The following XKR9 variants were observed in gnomAD, a reference collection of about 807,000 sequenced individuals.
The protein encoded by XKR9 is XK related 9.
In XKR9, 32 loss-of-function variants were observed where a neutral mutation model predicts 32.0. The observed-to-expected ratio is 1.00, with a 90% confidence interval of 0.76 to 1.34. XKR9 has a LOEUF of 1.34. Among genes scored for constraint, XKR9 ranks in the 40% most tolerant of loss-of-function variants. The probability of loss-of-function intolerance (pLI) is 0.00; values close to 1 mark genes in which losing one functional copy is unlikely to be tolerated. For synonymous variants in XKR9, 168 were observed against 143.4 expected (o/e 1.17, Z -1.22); for missense variants, 546 against 429.7 (o/e 1.27, Z -2.39).
At chr8:70,769,262 GC>G (rs1321527331) in intron 2 of XKR9, among the ~76,000 whole-genome samples, 42 of 150,248 alleles carry the variant, frequency 2.8e-4, no homozygotes, top group Non-Finnish European at 5.6e-4. Flanking sequence ...TTGAATATTG[GC>G]CCCCACTGTC....
the XKR9 span, among the ~76,000 whole-genome samples, chr8:70,908,738 G>C: frequency 1.3e-5 from 2 of 152,034 alleles, no homozygotes; most frequent in African/African-American, 2.4e-5. Context: ...TTTAATTTTT[G>C]TGTGTCATAA....
the XKR9 span, among the ~76,000 whole-genome samples, chr8:70,869,589 A>G: frequency 2.0e-5 from 3 of 152,236 alleles, no homozygotes; most frequent in African/African-American, 7.2e-5. Context: ...GTGAGGACAC[A>G]GCCAAATCAT....
chr8:70,909,432 G>A, the XKR9 span, among the ~76,000 whole-genome samples: 2 of 152,216 alleles, frequency 1.3e-5, no homozygotes, highest in South Asian at 2.1e-4. Context: ...GGTTAGATGT[G>A]TGGGTCAGAT....
chr8:70,814,998 C>T, the XKR9 span, among the ~76,000 whole-genome samples: 1 of 152,200 alleles, frequency 6.6e-6, no homozygotes, highest in African/African-American at 2.4e-5. Flanking sequence ...TTTACAATAG[C>T]TACAAAAGAT....
the XKR9 span, among the ~76,000 whole-genome samples, chr8:70,808,979 G>C: frequency 6.6e-6 from 1 of 152,226 alleles, no homozygotes; most frequent in Non-Finnish European, 1.5e-5. Flanking sequence ...TGGGATCTGA[G>C]AACGCACAGA....
chr8:70,963,071 A>G, the XKR9 span, among the ~76,000 whole-genome samples: 1 of 152,132 alleles, frequency 6.6e-6, no homozygotes, highest in African/African-American at 2.4e-5. Flanking sequence ...TCAACCCATC[A>G]CCCAGGTATT....
the XKR9 span, among the ~76,000 whole-genome samples, chr8:70,796,100 C>G: frequency 1.3e-4 from 20 of 151,160 alleles, no homozygotes; most frequent in East Asian, 3.5e-3. Context: ...AGTACATGTG[C>G]AGGTTTTTTG....
chr8:70,959,181 A>C, the XKR9 span, among the ~76,000 whole-genome samples: 1 of 152,194 alleles, frequency 6.6e-6, no homozygotes, highest in African/African-American at 2.4e-5. Flanking sequence ...TAAAATTAGA[A>C]ATGTCAAATA....
chr8:70,998,551 C>T, the XKR9 span, among the ~76,000 whole-genome samples: 1 of 152,122 alleles, frequency 6.6e-6, no homozygotes, highest in African/African-American at 2.4e-5. Flanking sequence ...CAGATGCAAG[C>T]CTCTAATTTT....
intron 2 of XKR9, among the ~76,000 whole-genome samples, chr8:70,746,473 ATATT>A (rs1451607639): frequency 1.3e-5 from 2 of 148,398 alleles, no homozygotes; most frequent in Admixed American, 6.7e-5. Flanking sequence ...ATATAATTAT[ATATT>A]ATAATTATAT....
chr8:70,797,803 T>C, the XKR9 span, among the ~76,000 whole-genome samples: 1 of 152,104 alleles, frequency 6.6e-6, no homozygotes, highest in South Asian at 2.1e-4. Flanking sequence ...GAATATGTGG[T>C]ATTTGGTTTT....
chr8:70,694,340 C>G (rs1051028736), intron 3 of XKR9, among the ~76,000 whole-genome samples: 1 of 152,208 alleles, frequency 6.6e-6, no homozygotes, highest in African/African-American at 2.4e-5. Flanking sequence ...AGCCCAAAGA[C>G]TGGAATGGCT....
chr8:71,018,351 C>A, the XKR9 span, among the ~76,000 whole-genome samples: 1 of 152,142 alleles, frequency 6.6e-6, no homozygotes, highest in Non-Finnish European at 1.5e-5. Context: ...AGAGAAATGG[C>A]TCTTCCAAGA....
chr8:71,021,315 A>ATGTCTTCTT, the XKR9 span, among the ~76,000 whole-genome samples: 7 of 151,986 alleles, frequency 4.6e-5, no homozygotes, highest in Admixed American at 1.3e-4. Flanking sequence ...GGCCACTTGT[A>ATGTCTTCTT]TGTCTTCTTT....
the XKR9 span, among the ~76,000 whole-genome samples, chr8:71,013,787 G>A: frequency 2.6e-5 from 4 of 152,064 alleles, no homozygotes; most frequent in African/African-American, 9.7e-5. Context: ...GGCTCCATAG[G>A]GCAGTCTACA....
the XKR9 span, among the ~76,000 whole-genome samples, chr8:70,812,172 C>T: frequency 6.6e-6 from 1 of 152,188 alleles, no homozygotes; most frequent in African/African-American, 2.4e-5. Context: ...AGCATATAAA[C>T]AGAACCAAAG....
At chr8:70,853,066 A>T in the XKR9 span, among the ~76,000 whole-genome samples, 1 of 152,184 alleles carries the variant, frequency 6.6e-6, no homozygotes, top group East Asian at 1.9e-4. Context: ...TTCAACCATA[A>T]AAAAGAATGT....
chr8:71,050,620 G>A, the XKR9 span, among the ~76,000 whole-genome samples: 2 of 152,096 alleles, frequency 1.3e-5, no homozygotes, highest in African/African-American at 2.4e-5. Flanking sequence ...GAACTTGGGG[G>A]GTGGATATGG....
At chr8:70,807,649 A>AT in the XKR9 span, among the ~76,000 whole-genome samples, 2 of 152,342 alleles carry the variant, frequency 1.3e-5, no homozygotes, top group Non-Finnish European at 1.5e-5. Flanking sequence ...ACCAACAAAG[A>AT]TAAAAAAAGA....
Sources: gnomAD v4.1 joint callset for allele counts (sites outside exome capture counted in the v4.1 genomes callset) on GRCh38, gnomAD v4.1.1 for gene constraint, MANE v1.5 for transcripts, NCBI Gene and HGNC (gene_info 2026-07-23, HGNC 2026-07-21) for gene names.